Variants in FOXP1 observed in about 807,000 individuals in gnomAD.
The protein encoded by FOXP1 is forkhead box P1.
FOXP1 carries 15 observed loss-of-function variants against 98.2 expected under a neutral mutation model. The ratio of observed to expected loss-of-function variants is 0.15; its 90% CI spans 0.10 to 0.24. The LOEUF (loss-of-function observed/expected upper bound fraction) is 0.24, where lower values mean the gene tolerates loss of function less well. FOXP1 is among the 10% of genes least tolerant of loss of function. The probability of loss-of-function intolerance (pLI) is 1.00; values close to 1 mark genes in which losing one functional copy is unlikely to be tolerated. For missense variants in FOXP1, 633 were observed against 848.5 expected (o/e 0.75, Z 3.15); for synonymous variants, 371 against 314.5 (o/e 1.18, Z -1.90).
chr3:71,436,465 G>A (rs1025468111), intron 3 of FOXP1, among the ~76,000 whole-genome samples: 8 of 115,246 alleles, frequency 6.9e-5, no homozygotes, highest in African/African-American at 2.5e-4. Flanking sequence ...TAACACTGCA[G>A]TCCACATTTC....
chr3:71,256,078 G>T (rs1013341022), intron 5 of FOXP1, among the ~76,000 whole-genome samples: 1 of 152,204 alleles, frequency 6.6e-6, no homozygotes, highest in African/African-American at 2.4e-5. Flanking sequence ...CTAAGCTACA[G>T]GTCTTGGTAT....
rs73837170 is a variant in FOXP1, at chr3:71,457,627, C to A, written c.-168+35799G>T. The stretch of plus-strand genomic sequence containing the variant: ...TGCAGATTCGCATTTAGTGCAAATC[C>A]CTCTAAAGCATATTTTAGTATACTA... On this transcript the variant is annotated intron_variant, in intron 3 of 20. Transcript: ENST00000649528. Among the ~76,000 whole-genome samples, 278 of 152,180 alleles carry A rather than the reference C, an allele frequency of 1.8e-3. 2 individuals are homozygous for A. The highest frequency in any genetic ancestry group is 6.5e-3 in the African/African-American group (268 of 41,520).
rs115662648 is a variant in FOXP1, at chr3:71,407,002, A to G, written c.-167-47758T>C. ...TGCATTTCTCCCGCCACAACAGTTT[A>G]TATCAGATATGCTATCATGTTCAAT... On this transcript the variant is annotated intron_variant, in intron 3 of 20. Transcript: ENST00000649528. Among the ~76,000 whole-genome samples the G allele has an allele frequency of 2.1e-3, 320 of 152,252 alleles. 1 individual carries two copies. Among genetic ancestry groups the G allele is most frequent in the Middle Eastern group, 0.014 (4 of 294 alleles).
intron 3 of FOXP1, among the ~76,000 whole-genome samples, chr3:71,463,980 C>T (rs2088432211): frequency 1.3e-5 from 2 of 152,168 alleles, no homozygotes; most frequent in Non-Finnish European, 2.9e-5. Flanking sequence ...AAATGAGGTA[C>T]ACTAATTAAG....
intron 5 of FOXP1, chr3:71,245,412 C>A (rs1382145601): frequency 2.6e-5 from 4 of 150,994 alleles, no homozygotes; most frequent in Admixed American, 6.6e-5. Flanking sequence ...CAAGTGTTAG[C>A]TGTTTCCAAA....
intron 20 of FOXP1, among the ~76,000 whole-genome samples, chr3:70,961,620 A>G (rs2033538756): frequency 6.6e-6 from 1 of 151,984 alleles, no homozygotes; most frequent in Non-Finnish European, 1.5e-5. Context: ...ATTAAGCATT[A>G]CGGATGGGGA....
intron 8 of FOXP1, 36 bp from the exon 9 acceptor site, chr3:71,052,662 G>GGCGCTACCCTCTGT: frequency 2.2e-6 from 2 of 899,680 alleles, no homozygotes; most frequent in Non-Finnish European, 3.8e-6. Context: ...GTAACAGAGG[G>GGCGCTACCCTCTGT]TAGCGCCAAT....
chr3:71,252,842 T>G (rs2068313264), intron 5 of FOXP1, among the ~76,000 whole-genome samples: 1 of 152,202 alleles, frequency 6.6e-6, no homozygotes, highest in Non-Finnish European at 1.5e-5. Flanking sequence ...TAAACCTTTC[T>G]TACTCTAACA....
chr3:70,965,428 T>C lies in FOXP1; in HGVS notation c.1889+462A>G, dbSNP rs542236680. On this transcript the variant is annotated intron_variant, in intron 20 of 20. Coordinates refer to ENST00000649528, the MANE Select transcript of FOXP1 (RefSeq NM_001349338.3). ...AATCTATAAATCATGCCGCCTTTCA[T>C]TTGTGCCATCATTAATGGTTGGTAA... 1.3e-3 allele frequency among the ~76,000 whole-genome samples: 191 copies of C among 152,326 alleles called. 2 individuals are homozygous for C. The South Asian group carries it at 0.014, about 11-fold the overall frequency.
intron 5 of FOXP1, among the ~76,000 whole-genome samples, chr3:71,268,021 A>G (rs2069881638): frequency 6.6e-6 from 1 of 151,000 alleles, no homozygotes; most frequent in African/African-American, 2.4e-5. Flanking sequence ...CCGTCTCAAA[A>G]AAAAAAAAAA....
chr3:71,437,105 C>G (rs559146076), intron 3 of FOXP1, among the ~76,000 whole-genome samples: 16 of 152,234 alleles, frequency 1.1e-4, no homozygotes, highest in African/African-American at 2.9e-4. Flanking sequence ...AATGTCACTT[C>G]TAAGAATGTA....
chr3:71,284,482 G>A (rs2071900248), intron 5 of FOXP1, among the ~76,000 whole-genome samples: 1 of 152,218 alleles, frequency 6.6e-6, no homozygotes, highest in Non-Finnish European at 1.5e-5. Flanking sequence ...AGGATCACTT[G>A]AGCCTGAGAG....
At chr3:70,959,440 C>CA (rs2032679375) in intron 20 of FOXP1, 49 bp from the exon 21 acceptor site, 14 of 1,611,116 alleles carry the variant, frequency 8.7e-6, no homozygotes, top group Non-Finnish European at 1.2e-5. Flanking sequence ...CAGCCCATTG[C>CA]AGCTCAGGTG....
intron 5 of FOXP1, among the ~76,000 whole-genome samples, chr3:71,280,936 G>T (rs1273421237): frequency 6.6e-6 from 1 of 150,424 alleles, no homozygotes; most frequent in Non-Finnish European, 1.5e-5. Context: ...AGAGAAAACA[G>T]CTTGTTAGGT....
intron 7 of FOXP1, among the ~76,000 whole-genome samples, chr3:71,108,959 C>T (rs2057679892): frequency 6.6e-6 from 1 of 152,198 alleles, no homozygotes; most frequent in African/African-American, 2.4e-5. Flanking sequence ...TAATTCAGAT[C>T]ATTCTGATTC....
intron 3 of FOXP1, among the ~76,000 whole-genome samples, chr3:71,453,505 G>A (rs1647104076): frequency 6.6e-6 from 1 of 152,202 alleles, no homozygotes; most frequent in Non-Finnish European, 1.5e-5. Flanking sequence ...AGGATAGGCT[G>A]TAATAGGATT....
intron 3 of FOXP1, among the ~76,000 whole-genome samples, chr3:71,414,766 A>T (rs1413560111): frequency 6.6e-6 from 1 of 152,218 alleles, no homozygotes; most frequent in African/African-American, 2.4e-5. Flanking sequence ...GCCATGGGTG[A>T]TGACTAAAAA....
chr3:71,262,034 G>A lies in FOXP1; in HGVS notation c.-12+37786C>T, dbSNP rs944290763. 4.0e-5 allele frequency among the ~76,000 whole-genome samples: 6 copies of A among 151,898 alleles called. No individual in the cohort carries two copies. The East Asian group carries it at 5.8e-4, about 15-fold the overall frequency. ...TGTAATCCTAGCATTTTGGGAGGCCGAGGCGGCGGGATCACGAGGTCAGGA... is the reference window on the plus strand; with the variant it reads ...TGTAATCCTAGCATTTTGGGAGGCCAAGGCGGCGGGATCACGAGGTCAGGA... On this transcript the variant is annotated intron_variant, in intron 5 of 20. Coordinates refer to ENST00000649528, the MANE Select transcript of FOXP1 (RefSeq NM_001349338.3).
chr3:71,486,504 C>T (rs184182710), intron 3 of FOXP1, among the ~76,000 whole-genome samples: 47 of 152,218 alleles, frequency 3.1e-4, no homozygotes, highest in African/African-American at 4.8e-5. Context: ...CAAAGTCAAC[C>T]GTATCATCCT....
Sources: gnomAD v4.1 joint callset for allele counts (sites outside exome capture counted in the v4.1 genomes callset) on GRCh38, gnomAD v4.1.1 for gene constraint, MANE v1.5 for transcripts, NCBI Gene and HGNC (gene_info 2026-07-23, HGNC 2026-07-21) for gene names.